EHBP1: variants seen among roughly 807,000 people sequenced by gnomAD.
EHBP1 encodes the protein EH domain-binding protein 1.
A neutral mutation model predicts 144.0 loss-of-function variants in EHBP1; 55 were observed. That is an observed-to-expected ratio of 0.38 (90% CI 0.31 to 0.48). The LOEUF (loss-of-function observed/expected upper bound fraction) is 0.48. EHBP1 is among the 20% of genes least tolerant of loss of function. EHBP1 has a pLI of 0.98. For synonymous variants in EHBP1, 469 were observed against 472.7 expected (o/e 0.99, Z 0.10); for missense variants, 1,200 against 1,364.2 (o/e 0.88, Z 1.90).
intron 10 of EHBP1, among the ~76,000 whole-genome samples, chr2:62,917,947 A>C (rs865838202): frequency 2.0e-5 from 3 of 150,546 alleles, no homozygotes; most frequent in Non-Finnish European, 4.4e-5. Context: ...CCCAGGCTGG[A>C]GTGCAGTGGC....
rs1353542657 is a variant in EHBP1 at position 63,046,389 on chromosome 2, A to G, written c.*889A>G. ...CCCATTTAATATTTTCTTCTTTAGC[A>G]TAGCACTGTCATTTTTTGTGAAAAT... is the stretch of plus-strand genomic sequence containing the variant. On this transcript the variant is annotated 3_prime_UTR_variant, in exon 23 of 23. Coordinates refer to ENST00000431489, the MANE Select transcript of EHBP1 (RefSeq NM_001142616.3). 6.6e-6 allele frequency: 1 copy of G among 152,660 alleles called. No individual in the cohort carries two copies. Among genetic ancestry groups the G allele is most frequent in the East Asian group, 1.9e-4 (1 of 5,206 alleles). 9.5% of individuals were successfully genotyped at this position (152,660 alleles called of 1,614,324 possible).
At chr2:62,831,222 C>A in intron 7 of EHBP1, 64 bp downstream of exon 7, 1 of 1,473,234 alleles carries the variant, frequency 6.8e-7, no homozygotes, top group Non-Finnish European at 9.1e-7. Context: ...AACTCATTCT[C>A]ATTTCCCAGG....
intron 7 of EHBP1, among the ~76,000 whole-genome samples, chr2:62,849,160 A>G (rs1029155154): frequency 1.3e-5 from 2 of 151,950 alleles, no homozygotes; most frequent in Admixed American, 6.6e-5. Flanking sequence ...TCCAAAACTA[A>G]GTTGGAAGCT....
intron 5 of EHBP1, among the ~76,000 whole-genome samples, chr2:62,776,757 A>T (rs186954802): frequency 1.3e-5 from 2 of 152,330 alleles, no homozygotes; most frequent in African/African-American, 2.4e-5. Context: ...ATTAGTGTAG[A>T]TAAGAATGGA....
chr2:62,747,508 C>T, intron 3 of EHBP1, 56 bp downstream of exon 3: 2 of 1,313,018 alleles, frequency 1.5e-6, no homozygotes, highest in Non-Finnish European at 2.2e-6. Context: ...TAGCAAACTG[C>T]TCTGGTTCCA....
chr2:63,014,698 G>A (rs747605824), intron 19 of EHBP1, among the ~76,000 whole-genome samples: 1 of 152,138 alleles, frequency 6.6e-6, no homozygotes, highest in Non-Finnish European at 1.5e-5. Flanking sequence ...ATTTGAACAC[G>A]GCTGGGCACA....
intron 19 of EHBP1, among the ~76,000 whole-genome samples, chr2:63,009,374 C>T (rs2060179564): frequency 6.6e-6 from 1 of 151,476 alleles, no homozygotes. Context: ...CTTTTCTTAG[C>T]TGAACATTTC....
intron 15 of EHBP1, among the ~76,000 whole-genome samples, chr2:62,980,388 G>A (rs2058911773): frequency 6.6e-6 from 1 of 152,128 alleles, no homozygotes; most frequent in African/African-American, 2.4e-5. Context: ...CATTCGCCCT[G>A]TTAGGCCAGG....
chr2:62,901,487 T>C (rs1005665982), intron 10 of EHBP1, among the ~76,000 whole-genome samples: 7 of 152,100 alleles, frequency 4.6e-5, no homozygotes, highest in African/African-American at 1.7e-4. Flanking sequence ...TTGAATACGA[T>C]AATTTAGCTT....
rs540120852 is a variant in EHBP1, at chr2:62,935,479, A to G, written c.1186-7239A>G. Among the ~76,000 whole-genome samples, 177 of 151,710 alleles carry G rather than the reference A, an allele frequency of 1.2e-3. 1 individual carries two copies. The highest frequency in any genetic ancestry group is 3.9e-3 in the African/African-American group (161 of 41,428). Reference sequence around the variant, plus strand: ...AAGTACTTGACATTTTTATGCCACTATGAATGGTTTTCAAATTTTTAGTTT... The same window carrying G: ...AAGTACTTGACATTTTTATGCCACTGTGAATGGTTTTCAAATTTTTAGTTT... On this transcript the variant is annotated intron_variant, in intron 10 of 22. Transcript: ENST00000431489.
chr2:62,802,635 C>G (rs957185070), intron 5 of EHBP1, among the ~76,000 whole-genome samples: 2 of 151,868 alleles, frequency 1.3e-5, no homozygotes, highest in African/African-American at 4.8e-5. Flanking sequence ...CCCACACAGT[C>G]CTAGACATTT....
chr2:62,736,833 G>C (rs1355278878), intron 2 of EHBP1, among the ~76,000 whole-genome samples: 1 of 152,140 alleles, frequency 6.6e-6, no homozygotes, highest in Non-Finnish European at 1.5e-5. Context: ...TGCCATATCT[G>C]AATGTGGTTT....
At chr2:62,974,099 A>G (rs2058611334) in intron 14 of EHBP1, among the ~76,000 whole-genome samples, 2 of 152,200 alleles carry the variant, frequency 1.3e-5, no homozygotes, top group Non-Finnish European at 2.9e-5. Context: ...CCTATTGCAT[A>G]CTATTCCTCA....
In EHBP1 at chr2:62,694,219, G is replaced by T. The variant is rs1446344362; in HGVS notation, c.-295-12678G>T. On this transcript the variant is annotated intron_variant, in intron 1 of 22. Coordinates refer to the EHBP1 transcript ENST00000405015. ...TACTGGAAAAGATTAAACTCTTTGG[G>T]CTAGATTGCCATTGAAGTTATCAAC... Among the ~76,000 whole-genome samples, 5 of 152,188 alleles carry T rather than the reference G, an allele frequency of 3.3e-5. No homozygotes were observed. The South Asian group carries it at 1.0e-3, about 32-fold the overall frequency.
intron 5 of EHBP1, among the ~76,000 whole-genome samples, chr2:62,812,880 C>T (rs778157790): frequency 4.6e-5 from 7 of 152,050 alleles, no homozygotes; most frequent in Non-Finnish European, 8.8e-5. Context: ...CATAGCCTGG[C>T]CATTTGAAGA....
Position 62,728,235 on chromosome 2 carries a change from T to A in EHBP1, c.105-19160T>A, listed in dbSNP as rs148685806. Among the ~76,000 whole-genome samples, 304 of 152,350 alleles carry A rather than the reference T, an allele frequency of 2.0e-3. 2 individuals carry two copies. The highest frequency in any genetic ancestry group is 7.0e-3 in the African/African-American group (289 of 41,580). On this transcript the variant is annotated intron_variant, in intron 2 of 22. Transcript: ENST00000431489. The stretch of plus-strand genomic sequence containing the variant: ...TTTAAACATTACGAAGAAGGAGCTG[T>A]GTCCCATTCCTATTCTATCTCAGGT...
intron 19 of EHBP1, among the ~76,000 whole-genome samples, chr2:63,013,529 G>A (rs1187030683): frequency 6.6e-6 from 1 of 152,046 alleles, no homozygotes; most frequent in East Asian, 1.9e-4. Flanking sequence ...CCCCCCAAAA[G>A]ACAAAGGCAC....
chr2:62,754,885 TCA>T (rs1348887810), intron 3 of EHBP1, among the ~76,000 whole-genome samples: 10 of 152,302 alleles, frequency 6.6e-5, no homozygotes, highest in African/African-American at 2.4e-4. Context: ...GTGCTGTCTG[TCA>T]CAGCTTTCCT....
In EHBP1 at chr2:62,750,627, C is replaced by T. The variant is rs2039601350; in HGVS notation, c.162+3175C>T. Among the ~76,000 whole-genome samples, 3 of 152,148 alleles carry T rather than the reference C, an allele frequency of 2.0e-5. No individual in the cohort carries two copies. The South Asian group carries it at 6.2e-4, about 31-fold the overall frequency. ...TTCCTATCCATGAGCGTGGAATGTT[C>T]TTGCATTTGTTTGTGTCCTCTTTTA... On this transcript the variant is annotated intron_variant, in intron 3 of 22. Transcript: ENST00000431489.
Sources: allele counts gnomAD v4.1 joint callset (sites outside exome capture counted in the v4.1 genomes callset), GRCh38; gene constraint gnomAD v4.1.1; transcripts MANE v1.5; gene names NCBI Gene and HGNC (gene_info 2026-07-23, HGNC 2026-07-21).